The following GRID1 variants were observed in gnomAD, a reference collection of about 807,000 sequenced individuals.
GRID1 encodes the protein glutamate receptor ionotropic, delta-1.
In GRID1, 28 loss-of-function variants were observed where a neutral mutation model predicts 98.0. The ratio of observed to expected loss-of-function variants is 0.29; its 90% CI spans 0.21 to 0.39. The LOEUF is 0.39. Ranked by LOEUF, GRID1 falls within the 10% of genes least tolerant of loss-of-function variation. The pLI is 1.00. For missense variants in GRID1, 1,111 were observed against 1,340.5 expected (o/e 0.83, Z 2.67); for synonymous variants, 553 against 538.5 (o/e 1.03, Z -0.37).
At chr10:85,711,265 A>C (rs1414478971) in intron 12 of GRID1, among the ~76,000 whole-genome samples, 1 of 152,010 alleles carries the variant, frequency 6.6e-6, no homozygotes, top group Admixed American at 6.6e-5. Flanking sequence ...AAAATATGAT[A>C]TATACATTCA....
intron 4 of GRID1, among the ~76,000 whole-genome samples, chr10:86,129,289 A>C (rs1844800437): frequency 6.6e-6 from 1 of 152,110 alleles, no homozygotes; most frequent in African/African-American, 2.4e-5. Flanking sequence ...ATGTTCACCT[A>C]GTCTGCTCTG....
intron 12 of GRID1, among the ~76,000 whole-genome samples, chr10:85,649,758 C>G (rs1843242071): frequency 1.3e-5 from 2 of 152,156 alleles, no homozygotes; most frequent in African/African-American, 4.8e-5. Flanking sequence ...CAGGGAACGT[C>G]TCTGGTTAAC....
At chr10:85,989,568 C>A (rs1842653887) in intron 4 of GRID1, among the ~76,000 whole-genome samples, 1 of 152,184 alleles carries the variant, frequency 6.6e-6, no homozygotes, top group South Asian at 2.1e-4. Context: ...GGACTACAAA[C>A]CCTATTGTGA....
chr10:86,128,679 A>ACCAGC (rs144625051), intron 4 of GRID1, among the ~76,000 whole-genome samples: 1 of 152,296 alleles, frequency 6.6e-6, no homozygotes, highest in African/African-American at 2.4e-5. Flanking sequence ...GCAGCAGGTC[A>ACCAGC]CCAGCCCAAT....
chr10:85,716,520 C>T (rs914240739), intron 12 of GRID1, among the ~76,000 whole-genome samples: 1 of 151,264 alleles, frequency 6.6e-6, no homozygotes, highest in Non-Finnish European at 1.5e-5. Context: ...ATGTAACAAA[C>T]CTGCACGTTG....
At chr10:85,793,075 C>T (rs536500479) in intron 8 of GRID1, among the ~76,000 whole-genome samples, 4 of 152,302 alleles carry the variant, frequency 2.6e-5, no homozygotes, top group African/African-American at 9.6e-5. Context: ...AGAGTGCAGG[C>T]ATGCCTCCTT....
chr10:85,733,136 A>G (rs146876247), intron 8 of GRID1, among the ~76,000 whole-genome samples: 218 of 152,318 alleles, frequency 1.4e-3, no homozygotes, highest in African/African-American at 5.0e-3. Context: ...ATTTATCACA[A>G]CTAATGAATG....
intron 4 of GRID1, among the ~76,000 whole-genome samples, chr10:86,091,371 G>A (rs1310071768): frequency 6.6e-6 from 1 of 151,866 alleles, no homozygotes. Context: ...GCTTTCTCCC[G>A]CTTCCCTGAC....
chr10:86,333,707 T>C (rs779121547), intron 2 of GRID1, among the ~76,000 whole-genome samples: 1 of 152,232 alleles, frequency 6.6e-6, no homozygotes, highest in Non-Finnish European at 1.5e-5. Flanking sequence ...ATATACTGTA[T>C]TCTTACAATA....
chr10:85,861,676 T>C (rs1353329130), intron 6 of GRID1, among the ~76,000 whole-genome samples: 2 of 152,178 alleles, frequency 1.3e-5, no homozygotes, highest in Non-Finnish European at 2.9e-5. Context: ...CACAGTGGAT[T>C]CTGCAATGAG....
intron 3 of GRID1, among the ~76,000 whole-genome samples, chr10:86,183,611 A>G (rs1373198598): frequency 6.6e-6 from 1 of 152,202 alleles, no homozygotes; most frequent in African/African-American, 2.4e-5. Flanking sequence ...CACCTGCCTC[A>G]GCCTCCCAAA....
Position 85,902,625 on chromosome 10 carries a change from A to AG in GRID1, c.780+13560dup, listed in dbSNP as rs1841404313. Reference sequence around the variant, plus strand: ...AGTGCTGGGAGTGAGAGGGAAGATAAGGGGGGAGCCGTGTGGCATCGGGTA... The same window carrying AG: ...AGTGCTGGGAGTGAGAGGGAAGATAAGGGGGGGAGCCGTGTGGCATCGGGTA... On this transcript the variant is annotated intron_variant, in intron 5 of 15. Transcript: ENST00000327946. 3.9e-5 allele frequency among the ~76,000 whole-genome samples: 6 copies of AG among 152,284 alleles called. No individual in the cohort carries two copies. In the South Asian group the frequency reaches 1.2e-3, roughly 32 times the overall value.
At chr10:85,797,769 C>T (rs1842539127) in intron 8 of GRID1, among the ~76,000 whole-genome samples, 1 of 152,094 alleles carries the variant, frequency 6.6e-6, no homozygotes, top group African/African-American at 2.4e-5. Flanking sequence ...TATTACAACA[C>T]ATGTTTCTTT....
rs544187901 is a variant in GRID1 at position 85,767,276 on chromosome 10, A to C, written c.1234-37662T>G. ...AACTCATATAAGTTACACTTCTATGAGCCTATCCTCCTCCCACACCATCAC... is the reference window on the plus strand; with the variant it reads ...AACTCATATAAGTTACACTTCTATGCGCCTATCCTCCTCCCACACCATCAC... On this transcript the variant is annotated intron_variant, in intron 8 of 15. Coordinates refer to ENST00000327946, the MANE Select transcript of GRID1 (RefSeq NM_017551.3). Among the ~76,000 whole-genome samples, 66 of 152,298 alleles carry C rather than the reference A, an allele frequency of 4.3e-4. 1 individual carries two copies. The highest frequency in any genetic ancestry group is 6.8e-3 in the Middle Eastern group (2 of 294).
intron 12 of GRID1, among the ~76,000 whole-genome samples, chr10:85,652,114 T>C (rs1363350734): frequency 6.6e-6 from 1 of 152,116 alleles, no homozygotes; most frequent in Non-Finnish European, 1.5e-5. Context: ...GTCCTCTAAT[T>C]AAACATGCAC....
chr10:85,835,978 A>G (rs1842908787), intron 8 of GRID1, among the ~76,000 whole-genome samples: 2 of 152,324 alleles, frequency 1.3e-5, no homozygotes, highest in South Asian at 2.1e-4. Flanking sequence ...TAGAAAATAT[A>G]TAGAACTGAA....
intron 3 of GRID1, among the ~76,000 whole-genome samples, chr10:86,177,386 CAGAG>C (rs941043556): frequency 1.3e-5 from 2 of 151,724 alleles, no homozygotes; most frequent in African/African-American, 4.8e-5. Flanking sequence ...GAGAGAGAGA[CAGAG>C]AGAGATCCCA....
chr10:86,307,826 A>G (rs1339229108), intron 2 of GRID1, among the ~76,000 whole-genome samples: 1 of 152,224 alleles, frequency 6.6e-6, no homozygotes, highest in Non-Finnish European at 1.5e-5. Context: ...TATATCTAAT[A>G]AAGCTGGAGG....
chr10:85,688,740 T>C (rs985504095), intron 12 of GRID1, among the ~76,000 whole-genome samples: 1 of 152,204 alleles, frequency 6.6e-6, no homozygotes, highest in Non-Finnish European at 1.5e-5. Context: ...TGAATAATGT[T>C]GGTAGAATGG....
Sources: allele counts gnomAD v4.1 joint callset (sites outside exome capture counted in the v4.1 genomes callset), GRCh38; gene constraint gnomAD v4.1.1; transcripts MANE v1.5; gene names NCBI Gene and HGNC (gene_info 2026-07-23, HGNC 2026-07-21).